MACROD1: variants seen among roughly 807,000 people sequenced by gnomAD.
The protein encoded by MACROD1 is mono-ADP ribosylhydrolase 1.
In MACROD1, 31 loss-of-function variants were observed where a neutral mutation model predicts 41.4. The observed-to-expected ratio is 0.75, with a 90% CI of 0.56 to 1.01. The LOEUF is 1.01. Ranked by LOEUF, MACROD1 falls within the 50% of genes least tolerant of loss-of-function variation. The probability of loss-of-function intolerance (pLI) is 0.00; values close to 1 mark genes in which losing one functional copy is unlikely to be tolerated. For synonymous variants in MACROD1, 252 were observed against 203.4 expected (o/e 1.24, Z -2.03); for missense variants, 473 against 460.0 (o/e 1.03, Z -0.26).
chr11:64,114,799 TG>T (rs1944946156), intron 3 of MACROD1, among the ~76,000 whole-genome samples: 1 of 151,904 alleles, frequency 6.6e-6, no homozygotes, highest in South Asian at 2.1e-4. Context: ...GGATGGTAGG[TG>T]GGTGGACAGA....
chr11:64,145,391 C>T (rs1478965775), intron 3 of MACROD1, among the ~76,000 whole-genome samples: 2 of 152,156 alleles, frequency 1.3e-5, no homozygotes, highest in African/African-American at 4.8e-5. Context: ...TCACATTATA[C>T]TCTGCTTAGT....
chr11:64,126,950 C>T (rs1945192042), intron 3 of MACROD1: 1 of 152,262 alleles, frequency 6.6e-6, no homozygotes, highest in South Asian at 2.1e-4. Flanking sequence ...TCCCCGCTAC[C>T]GCCTGCTGCC....
In MACROD1 at chr11:63,998,562, A is replaced by G. The variant is rs1484342930; in HGVS notation, c.*156T>C. 2 of 1,167,200 alleles carry G rather than the reference A, an allele frequency of 1.7e-6. No individual in the cohort carries two copies. Among genetic ancestry groups the G allele is most frequent in the African/African-American group, 1.6e-5 (1 of 62,678 alleles). The allele number at this position is 1,167,200 out of a possible 1,614,324, so 72.3% of individuals were successfully genotyped here. A position where few individuals can be genotyped will look rare whatever the true frequency, so the allele number is the denominator to read the frequency against. ...CAGAGCTCAGACAGTAGGAGCTGCCACAACGAGATCTTTATTAGGCTCCTC... is the reference window on the plus strand; with the variant it reads ...CAGAGCTCAGACAGTAGGAGCTGCCGCAACGAGATCTTTATTAGGCTCCTC... On this transcript the variant is annotated 3_prime_UTR_variant, in exon 11 of 11. Coordinates refer to ENST00000255681, the MANE Select transcript of MACROD1 (RefSeq NM_014067.4).
intron 3 of MACROD1, among the ~76,000 whole-genome samples, chr11:64,105,154 T>C (rs1214181701): frequency 6.6e-6 from 1 of 152,212 alleles, no homozygotes; most frequent in African/African-American, 2.4e-5. Flanking sequence ...TATTTGCTGT[T>C]ATTTATTATA....
intron 3 of MACROD1, among the ~76,000 whole-genome samples, chr11:64,098,255 G>T (rs181756129): frequency 6.6e-6 from 1 of 152,132 alleles, no homozygotes; most frequent in African/African-American, 2.4e-5. Flanking sequence ...CATTCAGAGC[G>T]CCCCTAAGGC....
chr11:64,051,335 C>T (rs546006923), intron 3 of MACROD1, among the ~76,000 whole-genome samples: 15 of 152,318 alleles, frequency 9.8e-5, no homozygotes, highest in Admixed American at 8.5e-4. Flanking sequence ...CCTCTGGGTG[C>T]TGATGTGGTG....
chr11:64,139,679 G>A (rs960818650), intron 3 of MACROD1, among the ~76,000 whole-genome samples: 2 of 150,528 alleles, frequency 1.3e-5, no homozygotes, highest in African/African-American at 4.9e-5. Flanking sequence ...GGGGCTGGCC[G>A]GGTGCGGTGG....
At chr11:64,087,326 C>A (rs535165508) in intron 3 of MACROD1, among the ~76,000 whole-genome samples, 3 of 152,312 alleles carry the variant, frequency 2.0e-5, no homozygotes, top group African/African-American at 2.4e-5. Context: ...GGGTCCGCCA[C>A]CCAGACCTCA....
chr11:64,104,291 T>G lies in MACROD1; in HGVS notation c.517+46948A>C, dbSNP rs1378216222. 3 of 152,142 alleles carry G rather than the reference T, an allele frequency of 2.0e-5. No homozygotes were observed. In the East Asian group the frequency reaches 5.8e-4, roughly 29 times the overall value. 9.4% of individuals were successfully genotyped at this position (152,142 alleles called of 1,614,324 possible). A position where few individuals can be genotyped will look rare whatever the true frequency, so the allele number is the denominator to read the frequency against. Reference sequence around the variant, plus strand: ...GGTTGCACCCTCCAAAGGCCCCTTTTCCCAGCCAGAGCTCCACAGGTCTCC... The same window carrying G: ...GGTTGCACCCTCCAAAGGCCCCTTTGCCCAGCCAGAGCTCCACAGGTCTCC... On this transcript the variant is annotated intron_variant, in intron 3 of 10. Transcript: ENST00000255681.
At chr11:64,079,354 G>A (rs1944263293) in intron 3 of MACROD1, among the ~76,000 whole-genome samples, 1 of 151,972 alleles carries the variant, frequency 6.6e-6, no homozygotes, top group African/African-American at 2.4e-5. Flanking sequence ...ACGGTTAAAG[G>A]GGAGACAGAT....
intron 4 of MACROD1, among the ~76,000 whole-genome samples, chr11:64,013,858 A>T (rs1054821179): frequency 3.3e-5 from 5 of 151,726 alleles, no homozygotes; most frequent in Non-Finnish European, 5.9e-5. Flanking sequence ...CCTTCCCAGC[A>T]CTCTTCGCTG....
chr11:64,062,580 AC>A (rs1943924773), intron 3 of MACROD1, among the ~76,000 whole-genome samples: 1 of 152,190 alleles, frequency 6.6e-6, no homozygotes, highest in South Asian at 2.1e-4. Flanking sequence ...TTTCCTGAAC[AC>A]CACCATGTAC....
At chr11:64,094,430 TAA>T (rs71468652) in intron 3 of MACROD1, among the ~76,000 whole-genome samples, 8 of 142,542 alleles carry the variant, frequency 5.6e-5, no homozygotes, top group African/African-American at 1.3e-4. Context: ...GACTCCAACT[TAA>T]AAAAAAAAAA....
In MACROD1 at chr11:63,999,573, G is replaced by C; in HGVS notation, c.787-13C>G. ...TGCAGGGGAACGCCTGGGCGGGGAGGGGTGAGAGGGGGTTGGAACATTGTC... is the reference window on the plus strand; with the variant it reads ...TGCAGGGGAACGCCTGGGCGGGGAGCGGTGAGAGGGGGTTGGAACATTGTC... On this transcript the variant is annotated splice_polypyrimidine_tract_variant and intron_variant, in intron 6 of 10. Coordinates refer to ENST00000255681, the MANE Select transcript of MACROD1 (RefSeq NM_014067.4). 1.2e-6 allele frequency: 2 copies of C among 1,610,008 alleles called. No homozygotes were observed. The highest frequency in any genetic ancestry group is 1.7e-6 in the Non-Finnish European group (2 of 1,178,800).
intron 3 of MACROD1, chr11:64,138,563 C>T: frequency 3.0e-6 from 3 of 985,414 alleles, no homozygotes; most frequent in Non-Finnish European, 3.6e-6. Flanking sequence ...AGCCAGGCGG[C>T]AATAATAAAA....
chr11:64,065,768 C>T (rs926205839), intron 3 of MACROD1, among the ~76,000 whole-genome samples: 3 of 131,752 alleles, frequency 2.3e-5, no homozygotes, highest in African/African-American at 6.1e-5. Context: ...CCAGCCTGGG[C>T]GACAGAGCAC....
At chr11:64,139,000 C>A (rs1160261160) in intron 3 of MACROD1, among the ~76,000 whole-genome samples, 2 of 152,196 alleles carry the variant, frequency 1.3e-5, no homozygotes, top group African/African-American at 4.8e-5. Flanking sequence ...CTCCTGACCT[C>A]AGGTGATCCA....
At chr11:64,086,188 G>T (rs1944391668) in intron 3 of MACROD1, among the ~76,000 whole-genome samples, 1 of 152,184 alleles carries the variant, frequency 6.6e-6, no homozygotes, top group African/African-American at 2.4e-5. Context: ...GGATCCCCCA[G>T]GGCTGGAGTG....
chr11:64,113,794 T>C (rs1010028933), intron 3 of MACROD1, among the ~76,000 whole-genome samples: 2 of 140,198 alleles, frequency 1.4e-5, no homozygotes, highest in Non-Finnish European at 3.0e-5. Context: ...GACAGGTGCA[T>C]GCATGATGGA....
Sources: gnomAD v4.1 joint callset for allele counts (sites outside exome capture counted in the v4.1 genomes callset) on GRCh38, gnomAD v4.1.1 for gene constraint, MANE v1.5 for transcripts, NCBI Gene and HGNC (gene_info 2026-07-23, HGNC 2026-07-21) for gene names.